The following PRKD1 variants were observed in gnomAD, a reference collection of about 807,000 sequenced individuals.
PRKD1 encodes serine/threonine-protein kinase D1.
Under a neutral mutation model 95.9 loss-of-function variants are expected in PRKD1, and 63 were observed. The ratio of observed to expected loss-of-function variants is 0.66; its 90% confidence interval spans 0.54 to 0.81. PRKD1 has a LOEUF of 0.81. PRKD1 is among the 30% of genes least tolerant of loss of function. The pLI, the probability that PRKD1 is intolerant of heterozygous loss-of-function variation, is 0.00. For synonymous variants in PRKD1, 425 were observed against 423.1 expected (o/e 1.00, Z -0.05); for missense variants, 1,048 against 1,165.3 (o/e 0.90, Z 1.47).
intron 3 of PRKD1, among the ~76,000 whole-genome samples, chr14:29,664,661 T>G (rs1882380917): frequency 6.6e-6 from 1 of 152,208 alleles, no homozygotes; most frequent in Admixed American, 6.5e-5. Context: ...GCATAATAAA[T>G]GCTCAGTTAT....
intron 1 of PRKD1, among the ~76,000 whole-genome samples, chr14:29,890,447 G>A (rs1446101406): frequency 6.6e-6 from 1 of 151,994 alleles, no homozygotes; most frequent in Non-Finnish European, 1.5e-5. Flanking sequence ...AATAACAAAC[G>A]TGGCACAGTA....
At chr14:29,849,002 G>A (rs931078555) in intron 1 of PRKD1, among the ~76,000 whole-genome samples, 1 of 152,138 alleles carries the variant, frequency 6.6e-6, no homozygotes, top group Non-Finnish European at 1.5e-5. Context: ...ACCAATCCCA[G>A]AGAAATACAA....
chr14:29,635,304 C>T (rs573429311), intron 7 of PRKD1, among the ~76,000 whole-genome samples: 49 of 152,172 alleles, frequency 3.2e-4, no homozygotes, highest in African/African-American at 1.1e-3. Context: ...TCTGTTTCTT[C>T]CTCTCTTCAT....
At chr14:29,692,291 A>G (rs1594433185) in intron 2 of PRKD1, among the ~76,000 whole-genome samples, 1 of 151,842 alleles carries the variant, frequency 6.6e-6, no homozygotes, top group African/African-American at 2.4e-5. Context: ...GTCCAAGTGC[A>G]CCTGTTGGAT....
intron 1 of PRKD1, among the ~76,000 whole-genome samples, chr14:29,775,540 G>A (rs780101504): frequency 4.3e-4 from 66 of 152,228 alleles, no homozygotes; most frequent in Non-Finnish European, 7.4e-4. Context: ...ACGGACCCTC[G>A]CTCATTGCTA....
rs1891169807 is a variant in PRKD1, at chr14:29,826,756, T to TATATATAC, written c.264+100492_264+100493insGTATATAT. On this transcript the variant is annotated intron_variant, in intron 1 of 17. Transcript: ENST00000331968. ...ACACATATATATACACATATATATA[T>TATATATAC]ACATATATATATACACATATATATA... 5.2e-5 allele frequency among the ~76,000 whole-genome samples: 2 copies of TATATATAC among 38,534 alleles called. 1 individual carries two copies. Among genetic ancestry groups the TATATATAC allele is most frequent in the African/African-American group, 2.1e-4 (2 of 9,346 alleles). The allele number at this position is 38,534 out of a possible 152,430, so 25.3% of individuals were successfully genotyped here.
intron 2 of PRKD1, among the ~76,000 whole-genome samples, chr14:29,670,712 C>T (rs995192592): frequency 1.4e-4 from 22 of 152,182 alleles, no homozygotes; most frequent in Non-Finnish European, 1.6e-4. Flanking sequence ...ACCCAATACA[C>T]ATATACCTAA....
intron 1 of PRKD1, among the ~76,000 whole-genome samples, chr14:29,746,685 A>G (rs1887238429): frequency 6.6e-6 from 1 of 152,322 alleles, no homozygotes; most frequent in East Asian, 1.9e-4. Flanking sequence ...TGAATGCTCA[A>G]TAAGTAGCTA....
At chr14:29,888,584 C>T (rs1295596217) in intron 1 of PRKD1, among the ~76,000 whole-genome samples, 1 of 152,034 alleles carries the variant, frequency 6.6e-6, no homozygotes, top group Non-Finnish European at 1.5e-5. Flanking sequence ...GCAGCAAATC[C>T]GAAGTGGTAC....
At chr14:29,805,689 A>G (rs1890203617) in intron 1 of PRKD1, among the ~76,000 whole-genome samples, 1 of 152,194 alleles carries the variant, frequency 6.6e-6, no homozygotes, top group African/African-American at 2.4e-5. Context: ...AGGTTAAAAA[A>G]CTTGTCCAAG....
intron 1 of PRKD1, among the ~76,000 whole-genome samples, chr14:29,828,141 A>G (rs4261424): frequency 0.015 from 2,256 of 152,258 alleles, 62 homozygotes; most frequent in African/African-American, 0.052. Flanking sequence ...TTGCATCGCT[A>G]TAAAGGAATA....
intron 1 of PRKD1, among the ~76,000 whole-genome samples, chr14:29,739,367 C>CT (rs45590838): frequency 1.2e-4 from 18 of 151,258 alleles, no homozygotes; most frequent in African/African-American, 3.2e-4. Flanking sequence ...TTAGACCTCT[C>CT]TTTTTTTTTA....
chr14:29,725,791 T>C, intron 1 of PRKD1, 117 bp from the exon 2 acceptor site: 4 of 908,946 alleles, frequency 4.4e-6, no homozygotes. Flanking sequence ...TCTAGATCAT[T>C]AAAATATTTT....
intron 1 of PRKD1, among the ~76,000 whole-genome samples, chr14:29,885,066 T>C (rs1893649231): frequency 1.4e-5 from 2 of 144,694 alleles, no homozygotes; most frequent in South Asian, 4.3e-4. Context: ...GAGCTTGCAG[T>C]GAGCCGAGAT....
Position 29,714,005 on chromosome 14 carries a change from T to C in PRKD1, c.403+11531A>G, listed in dbSNP as rs139205526. On this transcript the variant is annotated intron_variant, in intron 2 of 17. Coordinates refer to ENST00000331968, the MANE Select transcript of PRKD1 (RefSeq NM_002742.3). ...CACAATTAAATAAGATATAGAAAAT[T>C]TAAAACCCTGGAGAAATTGGGAATT... Among the ~76,000 whole-genome samples the C allele has an allele frequency of 1.6e-3, 246 of 152,302 alleles. 5 individuals are homozygous for C. The East Asian group carries it at 0.041, about 25-fold the overall frequency.
chr14:29,832,913 G>GT (rs1214531245), intron 1 of PRKD1, among the ~76,000 whole-genome samples: 1 of 151,796 alleles, frequency 6.6e-6, no homozygotes, highest in Non-Finnish European at 1.5e-5. Context: ...TTGTACCTAG[G>GT]TATCACACTT....
At chr14:29,851,683 A>G (rs1454903948) in intron 1 of PRKD1, among the ~76,000 whole-genome samples, 1 of 152,222 alleles carries the variant, frequency 6.6e-6, no homozygotes, top group Non-Finnish European at 1.5e-5. Context: ...GAGACTGCTC[A>G]AAGAACTAAA....
At chr14:29,685,892 T>A (rs965646443) in intron 2 of PRKD1, among the ~76,000 whole-genome samples, 2 of 152,180 alleles carry the variant, frequency 1.3e-5, no homozygotes, top group African/African-American at 4.8e-5. Context: ...GAAACTTTTT[T>A]AACTCAGAAT....
intron 13 of PRKD1, among the ~76,000 whole-genome samples, chr14:29,606,784 T>A (rs537233121): frequency 2.6e-5 from 4 of 152,178 alleles, no homozygotes; most frequent in Non-Finnish European, 4.4e-5. Context: ...ACTGTACCTC[T>A]TTTACTTCTT....
Sources: gnomAD v4.1 joint callset for allele counts (sites outside exome capture counted in the v4.1 genomes callset) on GRCh38, gnomAD v4.1.1 for gene constraint, MANE v1.5 for transcripts, NCBI Gene and HGNC (gene_info 2026-07-23, HGNC 2026-07-21) for gene names.